FSTL5: variants seen among roughly 807,000 people sequenced by gnomAD.
FSTL5 encodes the protein follistatin-related protein 5.
A neutral mutation model predicts 89.1 loss-of-function variants in FSTL5; 62 were observed. That is an observed-to-expected ratio of 0.70 (90% confidence interval 0.57 to 0.86). FSTL5 has a LOEUF of 0.86. FSTL5 is among the 40% of genes least tolerant of loss of function. FSTL5 has a pLI of 0.00. For synonymous variants in FSTL5, 383 were observed against 346.2 expected (o/e 1.11, Z -1.18); for missense variants, 1,057 against 1,001.6 (o/e 1.06, Z -0.75).
intron 3 of FSTL5, among the ~76,000 whole-genome samples, chr4:161,990,463 A>G (rs1041582814): frequency 1.3e-4 from 20 of 152,124 alleles, no homozygotes; most frequent in Non-Finnish European, 2.6e-4. Flanking sequence ...AAAGAATACT[A>G]CCTTTTAGAT....
chr4:161,825,979 A>C (rs1021552528), intron 4 of FSTL5, among the ~76,000 whole-genome samples: 1 of 151,306 alleles, frequency 6.6e-6, no homozygotes, highest in Non-Finnish European at 1.5e-5. Context: ...TAGATTGTCT[A>C]TTTGTGCTTT....
chr4:162,065,232 C>T (rs1304257540), intron 2 of FSTL5, among the ~76,000 whole-genome samples: 1 of 151,844 alleles, frequency 6.6e-6, no homozygotes, highest in African/African-American at 2.4e-5. Flanking sequence ...AAATCTTCTG[C>T]ACAGCAAAGG....
intron 2 of FSTL5, among the ~76,000 whole-genome samples, chr4:162,081,151 C>G (rs1579011451): frequency 6.6e-6 from 1 of 151,586 alleles, no homozygotes; most frequent in African/African-American, 2.4e-5. Flanking sequence ...TATTTAATCA[C>G]TCTTCATGTA....
intron 4 of FSTL5, among the ~76,000 whole-genome samples, chr4:161,882,389 T>G (rs1398262281): frequency 2.0e-5 from 3 of 152,122 alleles, no homozygotes; most frequent in Non-Finnish European, 4.4e-5. Context: ...AGCAGATTAC[T>G]GGGAAACTTC....
intron 7 of FSTL5, among the ~76,000 whole-genome samples, chr4:161,632,849 C>T (rs766361605): frequency 2.0e-5 from 3 of 151,968 alleles, no homozygotes; most frequent in African/African-American, 2.4e-5. Context: ...GGAATTTAAA[C>T]GAGGACCAAA....
intron 4 of FSTL5, among the ~76,000 whole-genome samples, chr4:161,785,035 A>G (rs1741847350): frequency 6.6e-6 from 1 of 152,128 alleles, no homozygotes; most frequent in South Asian, 2.1e-4. Context: ...ATTTTAACTC[A>G]TTTAATCTTT....
chr4:161,546,090 T>C (rs563016545), intron 8 of FSTL5, among the ~76,000 whole-genome samples: 1 of 151,420 alleles, frequency 6.6e-6, no homozygotes, highest in East Asian at 1.9e-4. Context: ...ATAACAAAAA[T>C]TGAAATTATA....
At chr4:161,721,402 T>C (rs1468395038) in intron 6 of FSTL5, among the ~76,000 whole-genome samples, 1 of 151,892 alleles carries the variant, frequency 6.6e-6, no homozygotes, top group African/African-American at 2.4e-5. Flanking sequence ...TAAAAGGTCC[T>C]GGAAAAAATT....
rs73860612 is a variant in FSTL5 at position 161,407,412 on chromosome 4, G to A, written c.1842-20963C>T. On this transcript the variant is annotated intron_variant, in intron 15 of 15. Coordinates refer to ENST00000306100, the MANE Select transcript of FSTL5 (RefSeq NM_020116.5). ...AGGATGGGGAGGAGATGCAGTCGCC[G>A]ATCCTGAAGAGGGAGGAGGCTAGAA... Among the ~76,000 whole-genome samples, 491 of 152,260 alleles carry A rather than the reference G, an allele frequency of 3.2e-3. 3 individuals are homozygous for A. Among genetic ancestry groups the A allele is most frequent in the African/African-American group, 0.011 (472 of 41,556 alleles).
chr4:161,409,476 G>C (rs1025130624), intron 15 of FSTL5, among the ~76,000 whole-genome samples: 69 of 152,022 alleles, frequency 4.5e-4, no homozygotes, highest in African/African-American at 1.6e-3. Context: ...CTGCCTCCCA[G>C]GTTCAAGCTA....
At chr4:161,883,651 C>T (rs917539756) in intron 4 of FSTL5, among the ~76,000 whole-genome samples, 1 of 152,048 alleles carries the variant, frequency 6.6e-6, no homozygotes, top group Non-Finnish European at 1.5e-5. Flanking sequence ...TTATCAGGTA[C>T]CTATTTCTAA....
At chr4:161,843,299 A>G (rs1731267813) in intron 4 of FSTL5, among the ~76,000 whole-genome samples, 1 of 152,168 alleles carries the variant, frequency 6.6e-6, no homozygotes, top group Admixed American at 6.5e-5. Context: ...AATTATTTGA[A>G]GAAAGTCAAT....
chr4:161,881,144 T>C (rs1380751573), intron 4 of FSTL5, among the ~76,000 whole-genome samples: 1 of 150,342 alleles, frequency 6.7e-6, no homozygotes, highest in East Asian at 1.9e-4. Flanking sequence ...AAGCAAATTA[T>C]TTTGGTTTAA....
chr4:161,497,377 G>A (rs144438429), intron 12 of FSTL5, among the ~76,000 whole-genome samples: 3 of 151,794 alleles, frequency 2.0e-5, no homozygotes, highest in African/African-American at 4.8e-5. Flanking sequence ...AATCATAAGC[G>A]GAAATTAGTT....
intron 6 of FSTL5, among the ~76,000 whole-genome samples, chr4:161,720,956 C>A (rs190766052): frequency 1.3e-5 from 2 of 152,208 alleles, no homozygotes; most frequent in African/African-American, 4.8e-5. Flanking sequence ...AGCATAGCAC[C>A]CGTAGTTACC....
intron 4 of FSTL5, among the ~76,000 whole-genome samples, chr4:161,777,558 T>C (rs1313837616): frequency 1.3e-5 from 2 of 152,164 alleles, no homozygotes; most frequent in African/African-American, 4.8e-5. Context: ...TTAGTATTCT[T>C]CTAACAGTGT....
At chr4:162,035,494 A>G (rs1737702588) in intron 2 of FSTL5, 2 of 152,070 alleles carry the variant, frequency 1.3e-5, no homozygotes, top group South Asian at 4.1e-4. Flanking sequence ...AGTTCTTAGC[A>G]TTGTCAAAAA....
At chr4:161,432,739 A>T (rs1406905077) in intron 15 of FSTL5, among the ~76,000 whole-genome samples, 1 of 151,986 alleles carries the variant, frequency 6.6e-6, no homozygotes, top group Non-Finnish European at 1.5e-5. Flanking sequence ...AGATTTAAAA[A>T]ACAGCAGACA....
chr4:161,397,739 GT>G (rs1731056355), intron 15 of FSTL5, among the ~76,000 whole-genome samples: 1 of 151,474 alleles, frequency 6.6e-6, no homozygotes, highest in Non-Finnish European at 1.5e-5. Context: ...ATAAACAATG[GT>G]TAAGGTAATC....
Sources: allele counts gnomAD v4.1 joint callset (sites outside exome capture counted in the v4.1 genomes callset), GRCh38; gene constraint gnomAD v4.1.1; transcripts MANE v1.5; gene names NCBI Gene and HGNC (gene_info 2026-07-23, HGNC 2026-07-21).